GRM8: variants seen among roughly 807,000 people sequenced by gnomAD.
The protein encoded by GRM8 is metabotropic glutamate receptor 8.
In GRM8, 47 loss-of-function variants were observed where a neutral mutation model predicts 87.2. The ratio of observed to expected loss-of-function variants is 0.54; its 90% confidence interval spans 0.43 to 0.69. The LOEUF (loss-of-function observed/expected upper bound fraction) is 0.69. Ranked by LOEUF, GRM8 falls within the 30% of genes least tolerant of loss-of-function variation. The pLI is 0.00. For missense variants in GRM8, 1,019 were observed against 1,139.2 expected (o/e 0.89, Z 1.52); for synonymous variants, 396 against 404.5 (o/e 0.98, Z 0.25).
chr7:126,514,094 A>G (rs1811819575), intron 9 of GRM8, among the ~76,000 whole-genome samples: 1 of 152,152 alleles, frequency 6.6e-6, no homozygotes, highest in African/African-American at 2.4e-5. Flanking sequence ...TGCTGGGTAC[A>G]GGAAACACAG....
intron 3 of GRM8, among the ~76,000 whole-genome samples, chr7:126,958,831 C>T (rs981096747): frequency 6.6e-6 from 1 of 152,190 alleles, no homozygotes; most frequent in Non-Finnish European, 1.5e-5. Context: ...TCTACTTCTT[C>T]CCCGCTCTCA....
At chr7:127,130,856 G>C (rs1827650360) in intron 2 of GRM8, among the ~76,000 whole-genome samples, 2 of 152,112 alleles carry the variant, frequency 1.3e-5, no homozygotes, top group Admixed American at 1.3e-4. Flanking sequence ...TGCCATGTAA[G>C]ACACTCCTTG....
At chr7:127,133,851 A>G (rs1027628673) in intron 2 of GRM8, among the ~76,000 whole-genome samples, 2 of 152,120 alleles carry the variant, frequency 1.3e-5, no homozygotes, top group Admixed American at 6.5e-5. Context: ...TTATCTTCCT[A>G]AAAGTTCTAG....
chr7:126,444,748 AT>A (rs1350463391), intron 10 of GRM8, among the ~76,000 whole-genome samples: 1 of 152,076 alleles, frequency 6.6e-6, no homozygotes, highest in Non-Finnish European at 1.5e-5. Flanking sequence ...AATAAAATTA[AT>A]TTTTAGTTTT....
intron 3 of GRM8, among the ~76,000 whole-genome samples, chr7:127,005,796 A>G (rs1464770473): frequency 2.6e-5 from 4 of 151,848 alleles, no homozygotes; most frequent in Non-Finnish European, 5.9e-5. Flanking sequence ...CTTGCACCTC[A>G]GCAGCTGGAA....
At chr7:127,054,349 T>C (rs1208819323) in intron 3 of GRM8, among the ~76,000 whole-genome samples, 1 of 152,186 alleles carries the variant, frequency 6.6e-6, no homozygotes, top group Non-Finnish European at 1.5e-5. Context: ...TACAGTTGAC[T>C]TTACTACCTG....
intron 2 of GRM8, among the ~76,000 whole-genome samples, chr7:127,235,965 TCATACTATGTATTG>T (rs145827178): frequency 0.17 from 25,834 of 152,254 alleles, 2,492 homozygotes; most frequent in Middle Eastern, 0.33. Context: ...GACTTTCCTT[TCATACTATGTATTG>T]CTTAAACCTT....
At chr7:126,927,837 T>C (rs1805304375) in intron 3 of GRM8, among the ~76,000 whole-genome samples, 1 of 152,252 alleles carries the variant, frequency 6.6e-6, no homozygotes. Flanking sequence ...GAACTAGAAA[T>C]ACCATTTGAC....
chr7:127,242,363 C>G (rs1466937912), intron 2 of GRM8, among the ~76,000 whole-genome samples: 1 of 152,080 alleles, frequency 6.6e-6, no homozygotes, highest in African/African-American at 2.4e-5. Context: ...GTTCATTATT[C>G]TCTTCAAAAA....
intron 2 of GRM8, among the ~76,000 whole-genome samples, chr7:127,205,232 T>C (rs538482311): frequency 1.3e-5 from 2 of 152,324 alleles, no homozygotes; most frequent in African/African-American, 4.8e-5. Flanking sequence ...TGATTCAATC[T>C]ATATGAATGG....
chr7:126,765,586 C>A (rs1049762180), intron 7 of GRM8, among the ~76,000 whole-genome samples: 2 of 151,996 alleles, frequency 1.3e-5, no homozygotes, highest in Non-Finnish European at 2.9e-5. Context: ...TGATTCTATA[C>A]AAGATGTACA....
chr7:126,858,056 C>T (rs370339616), intron 6 of GRM8, among the ~76,000 whole-genome samples: 2 of 152,146 alleles, frequency 1.3e-5, no homozygotes, highest in African/African-American at 2.4e-5. Context: ...TCCTAGTCTT[C>T]CTCATCAAAG....
chr7:127,119,746 A>T (rs1362238339), intron 2 of GRM8, among the ~76,000 whole-genome samples: 1 of 152,174 alleles, frequency 6.6e-6, no homozygotes, highest in African/African-American at 2.4e-5. Flanking sequence ...TTCAACAAGT[A>T]TTTGTTAAGC....
At chr7:127,004,885 GGAAA>G (rs1451449769) in intron 3 of GRM8, among the ~76,000 whole-genome samples, 1 of 151,104 alleles carries the variant, frequency 6.6e-6, no homozygotes, top group Non-Finnish European at 1.5e-5. Flanking sequence ...AATTAAAGAA[GGAAA>G]GAAAGGGATG....
intron 7 of GRM8, 44 bp from the exon 8 acceptor site, chr7:126,609,542 T>C (rs775892491): frequency 3.4e-6 from 5 of 1,488,028 alleles, no homozygotes; most frequent in East Asian, 4.5e-5. Flanking sequence ...TTTAGTAAGA[T>C]AGCCCACTGG....
chr7:127,206,611 AAC>A (rs1288488543), intron 2 of GRM8, among the ~76,000 whole-genome samples: 1 of 151,778 alleles, frequency 6.6e-6, no homozygotes, highest in East Asian at 1.9e-4. Flanking sequence ...GTGCCTCCGT[AAC>A]ACAAAACTTC....
At chr7:127,237,692 T>TA (rs1340546270) in intron 2 of GRM8, among the ~76,000 whole-genome samples, 40 of 152,318 alleles carry the variant, frequency 2.6e-4, no homozygotes, top group African/African-American at 9.1e-4. Context: ...TTGGGAAGGA[T>TA]ACACTACAGA....
chr7:126,508,187 T>C (rs1019205130), intron 9 of GRM8, among the ~76,000 whole-genome samples: 3 of 151,990 alleles, frequency 2.0e-5, no homozygotes, highest in East Asian at 3.9e-4. Flanking sequence ...TTATCTCAGT[T>C]TGTTTTGTGT....
chr7:126,790,493 A>T (rs1197886090), intron 6 of GRM8, among the ~76,000 whole-genome samples: 1 of 152,186 alleles, frequency 6.6e-6, no homozygotes, highest in Non-Finnish European at 1.5e-5. Context: ...CCACACCAAC[A>T]TTTTAAATTA....
Sources: allele counts gnomAD v4.1 joint callset (sites outside exome capture counted in the v4.1 genomes callset), GRCh38; gene constraint gnomAD v4.1.1; transcripts MANE v1.5; gene names NCBI Gene and HGNC (gene_info 2026-07-23, HGNC 2026-07-21).